DMD: variants seen among roughly 807,000 people sequenced by gnomAD.
DMD encodes mutant dystrophin.
A neutral mutation model predicts 330.1 loss-of-function variants in DMD; 63 were observed. That is an observed-to-expected ratio of 0.19 (90% CI 0.16 to 0.24). The LOEUF is 0.24. Among genes scored for constraint, DMD ranks in the 10% least tolerant of loss-of-function variants. The pLI is 1.00. For missense variants in DMD, 3,344 were observed against 2,684.1 expected (o/e 1.25, Z -5.43); for synonymous variants, 1,223 against 959.8 (o/e 1.27, Z -5.07).
intron 2 of DMD, among the ~76,000 whole-genome samples, chrX:32,898,542 G>A (rs375340627): frequency 3.6e-5 from 4 of 112,308 alleles, no homozygotes; most frequent in African/African-American, 1.3e-4. Context: ...GCTGGCTACT[G>A]TATTTATATC....
At chrX:32,877,449 A>AT (rs2083463745) in intron 2 of DMD, among the ~76,000 whole-genome samples, 1 of 112,563 alleles carries the variant, frequency 8.9e-6, no homozygotes, top group South Asian at 3.6e-4. Context: ...TTTTTCTTTT[A>AT]ACTCTAGCTA....
intron 44 of DMD, among the ~76,000 whole-genome samples, chrX:32,124,921 G>A (rs1319456076): frequency 3.8e-5 from 4 of 106,207 alleles, no homozygotes; most frequent in South Asian, 4.3e-4. Context: ...GGAATAGTAC[G>A]TGCAAAGGAA....
At chrX:31,760,444 T>G (rs1016102525) in intron 51 of DMD, among the ~76,000 whole-genome samples, 3 of 111,998 alleles carry the variant, frequency 2.7e-5, no homozygotes, top group African/African-American at 9.7e-5. Flanking sequence ...ATTATAATAT[T>G]TTTCTGTAAC....
chrX:31,262,587 A>G (rs1309454732), intron 62 of DMD, among the ~76,000 whole-genome samples: 1 of 112,519 alleles, frequency 8.9e-6, no homozygotes, highest in Admixed American at 9.4e-5. Flanking sequence ...CTGTCTTCCA[A>G]ATACGTTTAT....
rs776849216 is a variant in DMD at position 32,699,045 on chromosome X, G to A, written c.831+67C>T. 248 of 973,541 alleles carry A rather than the reference G, an allele frequency of 2.5e-4. 1 individual carries two copies. Among genetic ancestry groups the A allele is most frequent in the Non-Finnish European group, 3.0e-4 (205 of 681,397 alleles). The allele number at this position is 973,541 out of a possible 1,213,427, so 80.2% of individuals were successfully genotyped here. A position where few individuals can be genotyped will look rare whatever the true frequency, so the allele number is the denominator to read the frequency against. ...ATATAAGTTATATATATATGTGCAC[G>A]TAATACCTAAAAATGCATATAAAAC... On this transcript the variant is annotated intron_variant, in intron 8 of 78. Transcript: ENST00000357033.
intron 2 of DMD, among the ~76,000 whole-genome samples, chrX:32,864,069 G>A (rs1385432012): frequency 8.9e-6 from 1 of 112,490 alleles, no homozygotes; most frequent in African/African-American, 3.2e-5. Context: ...TTTCCTTTTA[G>A]TGGTCCAACT....
intron 2 of DMD, among the ~76,000 whole-genome samples, chrX:32,961,143 G>A (rs1225860923): frequency 1.8e-5 from 2 of 110,833 alleles, no homozygotes; most frequent in Admixed American, 9.7e-5. Flanking sequence ...TTCTGTTTTT[G>A]TTTCGTTTTG....
chrX:33,075,441 T>C (rs1301120696), intron 1 of DMD, among the ~76,000 whole-genome samples: 1 of 111,980 alleles, frequency 8.9e-6, no homozygotes, highest in Non-Finnish European at 1.9e-5. Context: ...AAACTCTCCA[T>C]TGCAATTCCC....
intron 52 of DMD, among the ~76,000 whole-genome samples, chrX:31,707,492 T>TA (rs1233436974): frequency 9.1e-6 from 1 of 110,105 alleles, no homozygotes; most frequent in African/African-American, 3.3e-5. Flanking sequence ...GGGAGTGGGT[T>TA]AAAAAAACGA....
chrX:31,396,548 GTTTTTTTTTTTTTTTT>G (rs56745544), intron 60 of DMD, among the ~76,000 whole-genome samples: 1,939 of 66,078 alleles, frequency 0.029, 62 homozygotes, highest in African/African-American at 0.11. Flanking sequence ...AAATCCCAGG[GTTTTTTTTTTTTTTTT>G]TTTTTTTTTG....
intron 29 of DMD, among the ~76,000 whole-genome samples, chrX:32,422,378 C>G (rs2098193636): frequency 9.0e-6 from 1 of 111,651 alleles, no homozygotes; most frequent in Admixed American, 9.6e-5. Context: ...TCCCTATATT[C>G]TTCTATCTGT....
intron 2 of DMD, among the ~76,000 whole-genome samples, chrX:33,010,811 C>T (rs899762799): frequency 1.8e-5 from 2 of 110,593 alleles, no homozygotes; most frequent in African/African-American, 6.6e-5. Context: ...CTACTACAGA[C>T]CTGATTAAAT....
chrX:32,468,982 A>G (rs1363931912), intron 22 of DMD, among the ~76,000 whole-genome samples: 8 of 110,881 alleles, frequency 7.2e-5, no homozygotes, highest in Non-Finnish European at 1.5e-4. Flanking sequence ...AGAGCCAAAA[A>G]GTTTTGGTGC....
intron 44 of DMD, among the ~76,000 whole-genome samples, chrX:32,171,426 C>A (rs1255127605): frequency 9.0e-6 from 1 of 111,495 alleles, no homozygotes; most frequent in Non-Finnish European, 1.9e-5. Flanking sequence ...ATATCACATC[C>A]CTTATTTTGT....
chrX:32,826,273 T>C (rs1454055761), intron 4 of DMD, among the ~76,000 whole-genome samples: 1 of 111,973 alleles, frequency 8.9e-6, no homozygotes, highest in South Asian at 3.7e-4. Context: ...AAAAACAGTA[T>C]GGAGGTTTCT....
intron 5 of DMD, among the ~76,000 whole-genome samples, chrX:32,823,039 G>A (rs1043059054): frequency 1.7e-4 from 19 of 111,225 alleles, no homozygotes; most frequent in Admixed American, 1.5e-3. Context: ...CTATGATTGG[G>A]ACTTTGTATT....
intron 49 of DMD, among the ~76,000 whole-genome samples, chrX:31,830,706 G>A (rs2149466772): frequency 8.9e-6 from 1 of 112,137 alleles, no homozygotes; most frequent in East Asian, 2.8e-4. Flanking sequence ...CGACAGCATT[G>A]AGAACGTGAA....
intron 49 of DMD, among the ~76,000 whole-genome samples, chrX:31,832,734 C>T (rs1423356174): frequency 8.9e-6 from 1 of 112,420 alleles, no homozygotes. Context: ...AGCAAACCAG[C>T]TGGCTTCATT....
At chrX:32,619,473 T>C (rs2057830762) in intron 11 of DMD, among the ~76,000 whole-genome samples, 1 of 112,090 alleles carries the variant, frequency 8.9e-6, no homozygotes, top group South Asian at 3.8e-4. Context: ...ATAAAAATGA[T>C]AAATATGTAA....
Sources: allele counts gnomAD v4.1 joint callset (sites outside exome capture counted in the v4.1 genomes callset), GRCh38; gene constraint gnomAD v4.1.1; transcripts MANE v1.5; gene names NCBI Gene and HGNC (gene_info 2026-07-23, HGNC 2026-07-21).